Variants in DNAH14 observed in about 807,000 individuals in gnomAD.
The protein encoded by DNAH14 is axonemal beta dynein heavy chain 14.
DNAH14 carries 478 observed loss-of-function variants against 520.9 expected under a neutral mutation model. The observed-to-expected ratio is 0.92, with a 90% CI of 0.85 to 0.99. The LOEUF (loss-of-function observed/expected upper bound fraction) is 0.99. Among genes scored for constraint, DNAH14 ranks in the 50% least tolerant of loss-of-function variants. DNAH14 has a pLI of 0.00. For missense variants in DNAH14, 4,831 were observed against 5,234.5 expected (o/e 0.92, Z 2.38); for synonymous variants, 1,581 against 1,757.2 (o/e 0.90, Z 2.51).
chr1:225,285,016 A>G (rs1291435786), intron 54 of DNAH14, among the ~76,000 whole-genome samples: 2 of 152,222 alleles, frequency 1.3e-5, no homozygotes, highest in East Asian at 1.9e-4. Flanking sequence ...ACTTACAGCT[A>G]GCCTTATGCT....
chr1:225,173,131 T>C (rs1442248770), intron 36 of DNAH14, among the ~76,000 whole-genome samples: 3 of 152,152 alleles, frequency 2.0e-5, no homozygotes, highest in Non-Finnish European at 2.9e-5. Context: ...AAGACTTAAA[T>C]GTTAGACCTA....
At chr1:225,127,869 G>A (rs2077926710) in intron 27 of DNAH14, among the ~76,000 whole-genome samples, 1 of 152,090 alleles carries the variant, frequency 6.6e-6, no homozygotes, top group Non-Finnish European at 1.5e-5. Flanking sequence ...TCCATGTTTA[G>A]TGCTTCCTTC....
chr1:225,085,851 C>A, intron 21 of DNAH14, 62 bp downstream of exon 21: 1 of 1,441,122 alleles, frequency 6.9e-7, no homozygotes, highest in South Asian at 1.6e-5. Context: ...TTATTTCAAT[C>A]TTTTGCGGTC....
chr1:225,027,129 T>C (rs746632010), intron 11 of DNAH14, among the ~76,000 whole-genome samples: 11 of 152,298 alleles, frequency 7.2e-5, no homozygotes, highest in Non-Finnish European at 1.2e-4. Flanking sequence ...TTGAACTTTT[T>C]TTATTATCCC....
intron 67 of DNAH14, 29 bp downstream of exon 67, chr1:225,337,525 T>C: frequency 6.6e-7 from 1 of 1,510,234 alleles, no homozygotes; most frequent in South Asian, 1.2e-5. Context: ...CTAATTTCCC[T>C]TGCAGCTGAT....
chr1:225,144,778 A>T, intron 29 of DNAH14, 150 bp downstream of exon 29: 1 of 681,872 alleles, frequency 1.5e-6, no homozygotes, highest in Non-Finnish European at 2.4e-6. Flanking sequence ...TAATTCATCA[A>T]TGATGTTTTG....
At chr1:225,309,620 C>A (rs1039624600) in intron 60 of DNAH14, among the ~76,000 whole-genome samples, 1 of 152,090 alleles carries the variant, frequency 6.6e-6, no homozygotes, top group African/African-American at 2.4e-5. Context: ...AGGGGCCGAG[C>A]GGGGTGGCTT....
chr1:225,252,784 C>T (rs1374016567), intron 44 of DNAH14, among the ~76,000 whole-genome samples: 20 of 152,198 alleles, frequency 1.3e-4, no homozygotes, highest in African/African-American at 4.8e-4. Context: ...AAAACTTACA[C>T]TTAATTATAA....
chr1:225,177,494 A>T (rs549019838), intron 36 of DNAH14, among the ~76,000 whole-genome samples: 1 of 152,328 alleles, frequency 6.6e-6, no homozygotes, highest in African/African-American at 2.4e-5. Context: ...TCTCCAGGGC[A>T]TGTCAGAGGT....
chr1:225,291,947 G>A (rs1042754785), intron 55 of DNAH14, among the ~76,000 whole-genome samples: 1 of 151,468 alleles, frequency 6.6e-6, no homozygotes, highest in Admixed American at 6.6e-5. Flanking sequence ...TTTATTTTTT[G>A]TTTTTGCTGT....
At chr1:225,131,904 G>A (rs528071173) in intron 27 of DNAH14, among the ~76,000 whole-genome samples, 1 of 152,160 alleles carries the variant, frequency 6.6e-6, no homozygotes, top group Non-Finnish European at 1.5e-5. Flanking sequence ...CAAGAAACAT[G>A]AACAGCTAAG....
At chr1:225,390,003 C>A in intron 83 of DNAH14, 130 bp downstream of exon 83, 1 of 785,268 alleles carries the variant, frequency 1.3e-6, no homozygotes, top group Non-Finnish European at 2.0e-6. Flanking sequence ...GCCTGGGTCT[C>A]TAGTGTGCAC....
intron 71 of DNAH14, among the ~76,000 whole-genome samples, chr1:225,349,099 T>C (rs1183529649): frequency 2.0e-5 from 3 of 152,142 alleles, no homozygotes; most frequent in Non-Finnish European, 4.4e-5. Context: ...ACCTCCCAAG[T>C]AGCTGGGACT....
At chr1:225,156,421 A>G (rs1412847336) in intron 34 of DNAH14, among the ~76,000 whole-genome samples, 1 of 151,938 alleles carries the variant, frequency 6.6e-6, no homozygotes, top group Non-Finnish European at 1.5e-5. Flanking sequence ...TGCCTCCTCC[A>G]GCTTCTGGTG....
At chr1:225,287,073 G>A (rs778923532) in intron 54 of DNAH14, among the ~76,000 whole-genome samples, 3 of 152,154 alleles carry the variant, frequency 2.0e-5, no homozygotes, top group Non-Finnish European at 4.4e-5. Flanking sequence ...TAAGGGTTTG[G>A]TGGAAAGAAA....
In DNAH14 at chr1:225,364,829, C is replaced by T. The variant is rs570810679; in HGVS notation, c.12025C>T (p.Arg4009Trp). The change falls in exon 76 of 86, where the codon CGG (arginine) becomes TGG (tryptophan). Residue 4009 changes from arginine to tryptophan, a missense_variant. Coordinates refer to ENST00000682510, the MANE Select transcript of DNAH14 (RefSeq NM_001367479.1). ...SPNVTIDPEFRLWLSSKSYSS... is the reference protein window; with the variant it reads ...SPNVTIDPEFWLWLSSKSYSS... ...AAACGTGACAATAGACCCTGAGTTT[C>T]GGCTATGGTTAAGCTCAAAATCATA... The T allele has an allele frequency of 1.9e-4, 287 of 1,548,400 alleles. No individual in the cohort carries two copies. The highest frequency in any genetic ancestry group is 5.9e-4 in the African/African-American group (43 of 73,012).
At chr1:225,201,598 C>T (rs2149399247) in intron 38 of DNAH14, among the ~76,000 whole-genome samples, 1 of 152,240 alleles carries the variant, frequency 6.6e-6, no homozygotes, top group Admixed American at 6.5e-5. Context: ...AGGGATGTGG[C>T]TTGCTGAGAG....
chr1:225,063,151 A>G (rs1056336652), intron 17 of DNAH14, among the ~76,000 whole-genome samples: 7 of 152,172 alleles, frequency 4.6e-5, no homozygotes, highest in Non-Finnish European at 8.8e-5. Context: ...AGCAAAACTT[A>G]AAGAGATGAA....
intron 11 of DNAH14, among the ~76,000 whole-genome samples, chr1:225,034,498 A>C (rs753935023): frequency 7.1e-6 from 1 of 140,950 alleles, no homozygotes; most frequent in Non-Finnish European, 1.5e-5. Flanking sequence ...ATATTCATCA[A>C]GGATATTGGC....
Sources: allele counts gnomAD v4.1 joint callset (sites outside exome capture counted in the v4.1 genomes callset), GRCh38; gene constraint gnomAD v4.1.1; transcripts MANE v1.5; gene names NCBI Gene and HGNC (gene_info 2026-07-23, HGNC 2026-07-21).